Variants in PCBD2 observed in about 807,000 individuals in gnomAD.
PCBD2 encodes the protein pterin-4 alpha-carbinolamine dehydratase 2.
Under a neutral mutation model 16.4 loss-of-function variants are expected in PCBD2, and 12 were observed. That is an observed-to-expected ratio of 0.73 (90% CI 0.47 to 1.19). The LOEUF is 1.19. Ranked by LOEUF, PCBD2 falls within the 50% of genes most tolerant of loss-of-function variation. PCBD2 has a pLI of 0.00. For missense variants in PCBD2, 138 were observed against 156.8 expected (o/e 0.88, Z 0.64); for synonymous variants, 58 against 61.8 (o/e 0.94, Z 0.29).
intron 2 of PCBD2, among the ~76,000 whole-genome samples, chr5:134,920,995 T>C (rs1002402338): frequency 3.9e-5 from 6 of 152,364 alleles, no homozygotes; most frequent in Non-Finnish European, 5.9e-5. Flanking sequence ...TCAAACTGAC[T>C]TCAAGTGCCC....
chr5:134,958,833 A>G (rs1437273749), intron 2 of PCBD2, among the ~76,000 whole-genome samples: 2 of 152,172 alleles, frequency 1.3e-5, no homozygotes, highest in African/African-American at 4.8e-5. Flanking sequence ...CTCGAGCCTG[A>G]TAGTTTTTCA....
rs557514156 is a variant in PCBD2 at position 134,960,914 on chromosome 5, G to A, written c.*233G>A. 1.1e-5 allele frequency: 4 copies of A among 370,974 alleles called. No individual in the cohort carries two copies. The highest frequency in any genetic ancestry group is 3.1e-5 in the South Asian group (1 of 31,794). The allele number at this position is 370,974 out of a possible 1,614,324, so 23.0% of individuals were successfully genotyped here. A position where few individuals can be genotyped will look rare whatever the true frequency, so the allele number is the denominator to read the frequency against. The stretch of plus-strand genomic sequence containing the variant: ...CCTGAGTAGCTGGGATTACAAGCAC[G>A]TGTCACCACGCCTGGCTAATTTTTG... On this transcript the variant is annotated 3_prime_UTR_variant, in exon 4 of 4. Transcript: ENST00000254908.
intron 1 of PCBD2, among the ~76,000 whole-genome samples, chr5:134,908,664 CAAA>C (rs540737382): frequency 3.3e-5 from 2 of 60,590 alleles, no homozygotes; most frequent in Admixed American, 3.8e-4. Flanking sequence ...GACTTGGTCT[CAAA>C]AAAAAAAAAA....
At chr5:134,958,056 TA>T (rs570313843) in intron 2 of PCBD2, among the ~76,000 whole-genome samples, 104 of 152,314 alleles carry the variant, frequency 6.8e-4, no homozygotes, top group Admixed American at 1.4e-3. Flanking sequence ...TTTTTCTGGA[TA>T]GGGGTAATGA....
intron 2 of PCBD2, chr5:134,924,904 G>A (rs1297630784): frequency 7.7e-6 from 3 of 390,170 alleles, no homozygotes; most frequent in East Asian, 3.6e-5. Flanking sequence ...GAAGTAAAAT[G>A]TATACAGTGG....
chr5:134,920,774 G>T lies in PCBD2; in HGVS notation c.216+10308G>T, dbSNP rs569005485. Among the ~76,000 whole-genome samples the T allele has an allele frequency of 4.6e-5, 7 of 152,096 alleles. No individual in the cohort carries two copies. In the East Asian group the frequency reaches 1.4e-3, roughly 29 times the overall value. On this transcript the variant is annotated intron_variant, in intron 2 of 3. Coordinates refer to ENST00000254908, the MANE Select transcript of PCBD2 (RefSeq NM_032151.5). ...AGGTTCAAGCGATTCTCCCACCTCA[G>T]CCTCTCAAGTAGCTGGGATTAGAGG...
chr5:134,942,786 GATGGGAA>G (rs1751245031), intron 2 of PCBD2, among the ~76,000 whole-genome samples: 1 of 152,118 alleles, frequency 6.6e-6, no homozygotes, highest in African/African-American at 2.4e-5. Flanking sequence ...ATCTTACCTA[GATGGGAA>G]ATGCAGCCCA....
At chr5:134,941,118 G>GAAAAAA (rs764468793) in intron 2 of PCBD2, among the ~76,000 whole-genome samples, 1 of 80,208 alleles carries the variant, frequency 1.2e-5, no homozygotes. Context: ...CCATCTCAAG[G>GAAAAAA]AAAAAAAAAA....
rs1580884123 is a variant in PCBD2 at position 134,926,590 on chromosome 5, G to A, written c.216+16124G>A. On this transcript the variant is annotated intron_variant, in intron 2 of 3. Transcript: ENST00000254908. ...GTTAGCAGTTCTTATGCGCTTTCTC[G>A]GTAAATAAGGGGTCGTGAGCCTCTG... 3.8e-5 allele frequency: 15 copies of A among 395,778 alleles called. No homozygotes were observed. In the East Asian group the frequency reaches 4.3e-4, roughly 11 times the overall value. 24.5% of individuals were successfully genotyped at this position (395,778 alleles called of 1,614,324 possible).
At chr5:134,919,302 G>T (rs1353544292) in intron 2 of PCBD2, among the ~76,000 whole-genome samples, 1 of 152,170 alleles carries the variant, frequency 6.6e-6, no homozygotes, top group Non-Finnish European at 1.5e-5. Context: ...GATGATATTG[G>T]TATGATTAAT....
intron 1 of PCBD2, among the ~76,000 whole-genome samples, chr5:134,907,074 A>G (rs566663742): frequency 1.3e-5 from 2 of 152,358 alleles, no homozygotes; most frequent in African/African-American, 4.8e-5. Flanking sequence ...TGGATGGTCC[A>G]GCACTCAGAG....
chr5:134,910,509 T>C, intron 2 of PCBD2, 43 bp downstream of exon 2: 1 of 1,603,744 alleles, frequency 6.2e-7, no homozygotes, highest in Non-Finnish European at 8.5e-7. Context: ...TCTATTTTAG[T>C]CACCTTAGGC....
intron 2 of PCBD2, among the ~76,000 whole-genome samples, chr5:134,930,455 C>T (rs968672830): frequency 6.6e-6 from 1 of 152,180 alleles, no homozygotes; most frequent in Admixed American, 6.5e-5. Flanking sequence ...TCCTAGATAT[C>T]GATGATTCCT....
Position 134,941,889 on chromosome 5 carries a change from C to T in PCBD2, c.217-17151C>T, listed in dbSNP as rs187987575. On this transcript the variant is annotated intron_variant, in intron 2 of 3. Transcript: ENST00000254908. ...ATCCCAGCACTTTGGGAGGCCGGGGCGGGTGGATCACGAGGTCAGGAGATT... is the reference window on the plus strand; with the variant it reads ...ATCCCAGCACTTTGGGAGGCCGGGGTGGGTGGATCACGAGGTCAGGAGATT... Among the ~76,000 whole-genome samples, 657 of 150,264 alleles carry T rather than the reference C, an allele frequency of 4.4e-3. 3 individuals are homozygous for T. The highest frequency in any genetic ancestry group is 0.015 in the African/African-American group (625 of 40,896).
intron 2 of PCBD2, among the ~76,000 whole-genome samples, chr5:134,952,210 T>C (rs1751366887): frequency 6.6e-6 from 1 of 151,778 alleles, no homozygotes; most frequent in Non-Finnish European, 1.5e-5. Context: ...AGCATTTCCC[T>C]ATAAAGAATG....
chr5:134,958,277 G>A (rs956098650), intron 2 of PCBD2, among the ~76,000 whole-genome samples: 2 of 152,172 alleles, frequency 1.3e-5, no homozygotes, highest in African/African-American at 4.8e-5. Flanking sequence ...CTGAAGACAA[G>A]TTTACCTTCT....
chr5:134,927,993 G>T, intron 2 of PCBD2: 1 of 396,330 alleles, frequency 2.5e-6, no homozygotes, highest in Non-Finnish European at 4.5e-6. Flanking sequence ...GGAGAGTCAT[G>T]TCAGTGGTAG....
chr5:134,959,882 GCT>G (rs1561453828), intron 3 of PCBD2, among the ~76,000 whole-genome samples: 1 of 128,584 alleles, frequency 7.8e-6, no homozygotes, highest in African/African-American at 3.0e-5. Context: ...TTAGAAATGT[GCT>G]TTTTTTTTTT....
rs547591327 is a variant in PCBD2, at chr5:134,960,756, A to G, written c.*75A>G. ...ATGTTGAAGGAAATTTATGTGAACA[A>G]ATAGAGTTGTTCTTTTTCTCTTTTT... On this transcript the variant is annotated 3_prime_UTR_variant, in exon 4 of 4. Coordinates refer to ENST00000254908, the MANE Select transcript of PCBD2 (RefSeq NM_032151.5). 6.7e-6 allele frequency: 8 copies of G among 1,196,044 alleles called. No individual in the cohort carries two copies. In the African/African-American group the frequency reaches 1.2e-4, roughly 18 times the overall value. The allele number at this position is 1,196,044 out of a possible 1,614,324, so 74.1% of individuals were successfully genotyped here.
Sources: allele counts gnomAD v4.1 joint callset (sites outside exome capture counted in the v4.1 genomes callset), GRCh38; gene constraint gnomAD v4.1.1; transcripts MANE v1.5; gene names NCBI Gene and HGNC (gene_info 2026-07-23, HGNC 2026-07-21).